ARL8B: variants seen among roughly 807,000 people sequenced by gnomAD.
The protein encoded by ARL8B is ADP-ribosylation factor-like protein 8B.
ARL8B carries 9 observed loss-of-function variants against 30.6 expected under a neutral mutation model. The observed-to-expected ratio is 0.29, with a 90% CI of 0.18 to 0.51. ARL8B has a LOEUF of 0.51. Among genes scored for constraint, ARL8B ranks in the 20% least tolerant of loss-of-function variants. The probability of loss-of-function intolerance (pLI) is 0.97; values close to 1 mark genes in which losing one functional copy is unlikely to be tolerated. For synonymous variants in ARL8B, 74 were observed against 76.0 expected, an observed-to-expected ratio of 0.97 and a Z score of 0.14; for missense variants, 130 against 227.2, an observed-to-expected ratio of 0.57 and a Z score of 2.75.
intron 1 of ARL8B, among the ~76,000 whole-genome samples, chr3:5,159,138 C>G (rs2054557287): frequency 6.6e-6 from 1 of 151,396 alleles, no homozygotes; most frequent in Non-Finnish European, 1.5e-5. Flanking sequence ...ATTTTTGGTA[C>G]AAAATACAAA....
intron 1 of ARL8B, among the ~76,000 whole-genome samples, chr3:5,159,613 AAAAAAAAAAAAAGAG>A (rs2054563662): frequency 6.6e-6 from 1 of 150,986 alleles, no homozygotes; most frequent in Admixed American, 6.6e-5. Context: ...AAAAAAAAAA[AAAAAAAAAAAAAGAG>A]AAAAAGAAAA....
chr3:5,148,377 C>T (rs2054448653), intron 1 of ARL8B, among the ~76,000 whole-genome samples: 1 of 152,164 alleles, frequency 6.6e-6, no homozygotes, highest in East Asian at 1.9e-4. Context: ...CAGTATCCCT[C>T]TTACACTGTT....
chr3:5,174,495 T>C, intron 6 of ARL8B, 81 bp downstream of exon 6: 1 of 959,322 alleles, frequency 1.0e-6, no homozygotes, highest in Non-Finnish European at 1.7e-6. Context: ...ATTGTCTCGA[T>C]TTCTCATTAA....
chr3:5,131,716 T>A (rs12492952), intron 1 of ARL8B, among the ~76,000 whole-genome samples: 15,980 of 152,238 alleles, frequency 0.1, 946 homozygotes, highest in Non-Finnish European at 0.14. Flanking sequence ...AATATTAAAT[T>A]GACGTTACAG....
At position 5,151,428 on chromosome 3, in the gene ARL8B, G is replaced by A. The variant is rs545935771; in HGVS notation, c.124-19075G>A. On this transcript the variant is annotated intron_variant, in intron 1 of 6. Coordinates refer to ENST00000256496, the MANE Select transcript of ARL8B (RefSeq NM_018184.3). ...ACTGCCCTCCAGCCTGGGCGACAGA[G>A]CAAGACCCTGTCTCTAAAATATATA... 3.1e-3 allele frequency among the ~76,000 whole-genome samples: 473 copies of A among 152,170 alleles called. 3 individuals are homozygous for A. Among genetic ancestry groups the A allele is most frequent in the African/African-American group, 0.011 (460 of 41,516 alleles).
At chr3:5,150,530 C>T (rs186573217) in intron 1 of ARL8B, among the ~76,000 whole-genome samples, 1 of 152,038 alleles carries the variant, frequency 6.6e-6, no homozygotes, top group East Asian at 1.9e-4. Context: ...CATCTGTAAT[C>T]CCAGCACTTT....
intron 1 of ARL8B, among the ~76,000 whole-genome samples, chr3:5,122,851 G>T (rs768480928): frequency 2.0e-5 from 3 of 152,246 alleles, no homozygotes; most frequent in Admixed American, 2.0e-4. Flanking sequence ...CGCCGCGGGG[G>T]CTCGGAAAGA....
intron 1 of ARL8B, among the ~76,000 whole-genome samples, chr3:5,127,503 A>G (rs903657916): frequency 2.0e-5 from 3 of 152,190 alleles, no homozygotes; most frequent in Non-Finnish European, 4.4e-5. Context: ...CATACTGACT[A>G]ACATTTGAGG....
chr3:5,124,684 C>T (rs1460771762), intron 1 of ARL8B, among the ~76,000 whole-genome samples: 1 of 151,954 alleles, frequency 6.6e-6, no homozygotes, highest in Non-Finnish European at 1.5e-5. Context: ...TGCTATGTTG[C>T]CAGGGCTGGT....
intron 1 of ARL8B, among the ~76,000 whole-genome samples, chr3:5,129,944 A>G (rs1174358747): frequency 1.3e-5 from 2 of 151,834 alleles, no homozygotes; most frequent in South Asian, 2.1e-4. Context: ...GCTCACTGCA[A>G]CCTCTGCCTC....
At chr3:5,137,709 A>AT (rs1369180712) in intron 1 of ARL8B, among the ~76,000 whole-genome samples, 1 of 152,108 alleles carries the variant, frequency 6.6e-6, no homozygotes, top group Non-Finnish European at 1.5e-5. Context: ...AAGTGTTGGG[A>AT]TTACAGGCGT....
At chr3:5,136,418 T>C (rs138759904) in intron 1 of ARL8B, among the ~76,000 whole-genome samples, 108 of 152,308 alleles carry the variant, frequency 7.1e-4, no homozygotes, top group African/African-American at 2.4e-3. Context: ...CTGGGTTCCA[T>C]TTTTACACAT....
chr3:5,156,371 C>G (rs1032380039), intron 1 of ARL8B, among the ~76,000 whole-genome samples: 4 of 150,774 alleles, frequency 2.7e-5, no homozygotes, highest in Non-Finnish European at 2.9e-5. Context: ...AGACTCTCCC[C>G]CTTCCCCAGA....
At chr3:5,175,334 A>G (rs1191983699) in intron 6 of ARL8B, among the ~76,000 whole-genome samples, 1 of 152,218 alleles carries the variant, frequency 6.6e-6, no homozygotes, top group Non-Finnish European at 1.5e-5. Context: ...AAAGAAGAAA[A>G]TGCAATAAAG....
chr3:5,138,609 A>G (rs1245530781), intron 1 of ARL8B, among the ~76,000 whole-genome samples: 1 of 152,208 alleles, frequency 6.6e-6, no homozygotes, highest in Admixed American at 6.5e-5. Flanking sequence ...CAGTCATCAC[A>G]TGTGATTGAA....
At chr3:5,163,114 A>G (rs2054595960) in intron 1 of ARL8B, among the ~76,000 whole-genome samples, 1 of 151,434 alleles carries the variant, frequency 6.6e-6, no homozygotes, top group South Asian at 2.1e-4. Context: ...CCACCTCTGA[A>G]GTAGCTGTGA....
chr3:5,146,184 G>T (rs2054417238), intron 1 of ARL8B, among the ~76,000 whole-genome samples: 1 of 152,182 alleles, frequency 6.6e-6, no homozygotes, highest in Admixed American at 6.5e-5. Flanking sequence ...CAAAGGCAAA[G>T]AGGTCCCTGC....
intron 1 of ARL8B, among the ~76,000 whole-genome samples, chr3:5,149,946 T>C (rs893257562): frequency 2.6e-5 from 4 of 152,234 alleles, no homozygotes; most frequent in African/African-American, 9.6e-5. Context: ...AACTTTGCTG[T>C]GGATTGGCAT....
intron 1 of ARL8B, among the ~76,000 whole-genome samples, chr3:5,167,685 GGTT>G (rs2054635745): frequency 6.6e-6 from 1 of 152,128 alleles, no homozygotes; most frequent in African/African-American, 2.4e-5. Context: ...CATTTCATTG[GGTT>G]GTTATAAGGA....
Sources: allele counts gnomAD v4.1 joint callset (sites outside exome capture counted in the v4.1 genomes callset), GRCh38; gene constraint gnomAD v4.1.1; transcripts MANE v1.5; gene names NCBI Gene and HGNC (gene_info 2026-07-23, HGNC 2026-07-21).